The following DOCK7 variants were observed in gnomAD, a reference collection of about 807,000 sequenced individuals.
DOCK7 encodes the protein dedicator of cytokinesis protein 7.
In DOCK7, 138 loss-of-function variants were observed where a neutral mutation model predicts 271.0. The observed-to-expected ratio is 0.51, with a 90% CI of 0.44 to 0.59. The LOEUF (loss-of-function observed/expected upper bound fraction) is 0.59. Among genes scored for constraint, DOCK7 ranks in the 20% least tolerant of loss-of-function variants. The pLI, the probability that DOCK7 is intolerant of heterozygous loss-of-function variation, is 0.00. For missense variants in DOCK7, 2,066 were observed against 2,592.4 expected, an observed-to-expected ratio of 0.80 and a Z score of 4.41; for synonymous variants, 823 against 876.1, an observed-to-expected ratio of 0.94 and a Z score of 1.07.
chr1:62,618,703 T>C lies in DOCK7; in HGVS notation c.1682+3A>G. ...CAGAATTCTCCAAATTAAAATCTCT[T>C]ACCTGTAAGTAGTGTTTGGAACATA... On this transcript the variant is annotated splice_donor_region_variant and intron_variant, in intron 14 of 49. Transcript: ENST00000635253. The C allele has an allele frequency of 6.2e-7, 1 of 1,610,544 alleles. No homozygotes were observed. Among genetic ancestry groups the C allele is most frequent in the Middle Eastern group, 1.7e-4 (1 of 5,966 alleles).
At chr1:62,603,246 G>A (rs1283540115) in intron 14 of DOCK7, among the ~76,000 whole-genome samples, 1 of 151,626 alleles carries the variant, frequency 6.6e-6, no homozygotes, top group Non-Finnish European at 1.5e-5. Context: ...GTATTTACCA[G>A]CAATCCTTAA....
At chr1:62,564,110 A>T (rs905956402) in intron 18 of DOCK7, among the ~76,000 whole-genome samples, 2 of 152,100 alleles carry the variant, frequency 1.3e-5, no homozygotes, top group African/African-American at 4.8e-5. Flanking sequence ...AGACTCCCAC[A>T]CAATAACGGT....
intron 1 of DOCK7, among the ~76,000 whole-genome samples, chr1:62,677,030 C>G (rs1260340494): frequency 6.6e-6 from 1 of 152,166 alleles, no homozygotes; most frequent in Non-Finnish European, 1.5e-5. Context: ...GGAGAGCTGT[C>G]TATACTGCCA....
intron 36 of DOCK7, 139 bp from the exon 37 acceptor site, chr1:62,504,921 A>G: frequency 3.8e-6 from 4 of 1,063,724 alleles, no homozygotes; most frequent in Non-Finnish European, 5.2e-6. Flanking sequence ...GCTAATGGTT[A>G]ATAGTGTGAG....
intron 18 of DOCK7, among the ~76,000 whole-genome samples, chr1:62,566,237 A>C (rs1035747441): frequency 9.2e-5 from 14 of 152,214 alleles, no homozygotes; most frequent in African/African-American, 3.4e-4. Context: ...CCACAGAGCC[A>C]AGACAATCAT....
chr1:62,570,636 C>T (rs1219636749), intron 18 of DOCK7, among the ~76,000 whole-genome samples: 4 of 152,130 alleles, frequency 2.6e-5, no homozygotes, highest in East Asian at 3.8e-4. Context: ...GGAGGCATCA[C>T]GCTACCCAAC....
chr1:62,687,641 C>G (rs1040734896), intron 1 of DOCK7: 1 of 152,280 alleles, frequency 6.6e-6, no homozygotes, highest in African/African-American at 2.4e-5. Flanking sequence ...CCTGGACGCA[C>G]AAGTCCACTT....
rs1053718426 is a variant in DOCK7 at position 62,535,519 on chromosome 1, A to T, written c.3585T>A (p.Ala1195=). Reference sequence around the variant, plus strand: ...CTTCAGCATCAGGGTCTAAAATGACAGCCAGCTCTGTTAACACAAGTCCTG... The same window carrying T: ...CTTCAGCATCAGGGTCTAAAATGACTGCCAGCTCTGTTAACACAAGTCCTG... ...YLAGLVLTEL[A]VILDPDAEGL... Residue 1195 remains alanine, a synonymous_variant, in exon 29 of 50, where the codon GCT becomes GCA. Transcript: ENST00000635253. The T allele has an allele frequency of 4.3e-6, 7 of 1,613,912 alleles. No homozygotes were observed. The African/African-American group carries it at 8.0e-5, about 18-fold the overall frequency.
rs752590394 is a variant in DOCK7, at chr1:62,542,658, T to C, written c.2995A>G (p.Ser999Gly). ...TGTTGCAAAGCTGATTCCCGAACGC[T>C]GCCACTGCAAACAACCCACTGCAAA... ...LALQWVVCSGSVRESALQQAW... is the reference protein window; with the variant it reads ...LALQWVVCSGGVRESALQQAW... Residue 999 changes from serine to glycine, a missense_variant, in exon 25 of 50, where the codon AGC (serine) becomes GGC (glycine). Transcript: ENST00000635253. 2 of 1,613,130 alleles carry C rather than the reference T, an allele frequency of 1.2e-6. No homozygotes were observed. Among genetic ancestry groups the C allele is most frequent in the South Asian group, 2.2e-5 (2 of 90,912 alleles).
chr1:62,623,088 C>T (rs1326338238), intron 12 of DOCK7, among the ~76,000 whole-genome samples: 1 of 152,150 alleles, frequency 6.6e-6, no homozygotes, highest in African/African-American at 2.4e-5. Flanking sequence ...CATTTTAAAT[C>T]TGTACATAAA....
chr1:62,642,119 T>C (rs967679181), intron 7 of DOCK7, among the ~76,000 whole-genome samples: 1 of 151,588 alleles, frequency 6.6e-6, no homozygotes, highest in Non-Finnish European at 1.5e-5. Flanking sequence ...TTTTCTTTTT[T>C]TTTTTTTGAG....
chr1:62,571,975 G>A (rs1379476948), intron 18 of DOCK7, among the ~76,000 whole-genome samples: 1 of 152,106 alleles, frequency 6.6e-6, no homozygotes, highest in East Asian at 1.9e-4. Context: ...CTTAGGTGAT[G>A]GGTTGATAGG....
chr1:62,461,420 C>T (rs1406180182), intron 48 of DOCK7, among the ~76,000 whole-genome samples: 1 of 152,028 alleles, frequency 6.6e-6, no homozygotes, highest in East Asian at 1.9e-4. Flanking sequence ...GAGGCTCACA[C>T]CTGCAATCCC....
At chr1:62,582,939 A>AT (rs576330561) in intron 16 of DOCK7, among the ~76,000 whole-genome samples, 162 of 152,374 alleles carry the variant, frequency 1.1e-3, no homozygotes, top group African/African-American at 3.6e-3. Context: ...ATGATAATCA[A>AT]TAACAATATA....
At chr1:62,679,389 A>C (rs936922799) in intron 1 of DOCK7, among the ~76,000 whole-genome samples, 1 of 152,226 alleles carries the variant, frequency 6.6e-6, no homozygotes, top group Non-Finnish European at 1.5e-5. Context: ...ATAATCAATA[A>C]ACAACTAATA....
chr1:62,504,560 G>T, intron 37 of DOCK7, 70 bp downstream of exon 37: 1 of 1,491,166 alleles, frequency 6.7e-7, no homozygotes, highest in South Asian at 1.3e-5. Context: ...CCCAAAAACT[G>T]ATTTAATAAC....
chr1:62,595,196 C>A (rs1249838285), intron 14 of DOCK7, among the ~76,000 whole-genome samples: 3 of 152,038 alleles, frequency 2.0e-5, no homozygotes, highest in African/African-American at 7.2e-5. Context: ...AACAAAATTT[C>A]TCAATTTACA....
chr1:62,552,349 G>T (rs1313258079), intron 22 of DOCK7, among the ~76,000 whole-genome samples: 2 of 152,036 alleles, frequency 1.3e-5, no homozygotes, highest in African/African-American at 4.8e-5. Flanking sequence ...CACTCTTCTG[G>T]ATATTTTTTG....
In DOCK7 at chr1:62,494,308, C is replaced by G. The variant is rs1646555199; in HGVS notation, c.5184G>C (p.Arg1728=). 2 of 1,603,426 alleles carry G rather than the reference C, an allele frequency of 1.2e-6. No homozygotes were observed. The highest frequency in any genetic ancestry group is 3.3e-5 in the Admixed American group (2 of 59,740). Residue 1728 remains arginine, a synonymous_variant, in exon 40 of 50, where the codon CGG becomes CGC. Coordinates refer to ENST00000635253, the MANE Select transcript of DOCK7 (RefSeq NM_001367561.1). ...VAEYLSMLED[R]KYLPVGCVTF... is the part of the protein sequence containing the mutation. ...TTACACATCCCACAGGAAGATATTTCCGGTCCTCCAGCATGCTCAAATATT... is the reference window on the plus strand; with the variant it reads ...TTACACATCCCACAGGAAGATATTTGCGGTCCTCCAGCATGCTCAAATATT...
Sources: gnomAD v4.1 joint callset for allele counts (sites outside exome capture counted in the v4.1 genomes callset) on GRCh38, gnomAD v4.1.1 for gene constraint, MANE v1.5 for transcripts, NCBI Gene and HGNC (gene_info 2026-07-23, HGNC 2026-07-21) for gene names.